The following KCNIP4 variants were observed in gnomAD, a reference collection of about 807,000 sequenced individuals.
The protein encoded by KCNIP4 is Kv channel-interacting protein 4.
KCNIP4 carries 12 observed loss-of-function variants against 34.0 expected under a neutral mutation model. That is an observed-to-expected ratio of 0.35 (90% CI 0.23 to 0.57). KCNIP4 has a LOEUF of 0.57. KCNIP4 is among the 20% of genes least tolerant of loss of function. The pLI, the probability that KCNIP4 is intolerant of heterozygous loss-of-function variation, is 0.83. For missense variants in KCNIP4, 238 were observed against 311.7 expected, an observed-to-expected ratio of 0.76 and a Z score of 1.78; for synonymous variants, 124 against 102.2, an observed-to-expected ratio of 1.21 and a Z score of -1.29.
intron 1 of KCNIP4, among the ~76,000 whole-genome samples, chr4:21,228,325 A>G (rs1048195959): frequency 2.0e-5 from 3 of 152,180 alleles, no homozygotes; most frequent in African/African-American, 7.2e-5. Flanking sequence ...CTGCCACGGT[A>G]AAACATGATT....
intron 1 of KCNIP4, among the ~76,000 whole-genome samples, chr4:21,449,722 AT>A (rs1360716837): frequency 4.0e-5 from 6 of 151,760 alleles, no homozygotes; most frequent in African/African-American, 1.2e-4. Context: ...AAGTGCAGCA[AT>A]TTTTTTATCT....
chr4:21,141,401 A>AT (rs1171446468), intron 1 of KCNIP4, among the ~76,000 whole-genome samples: 4 of 152,204 alleles, frequency 2.6e-5, no homozygotes, highest in African/African-American at 7.2e-5. Context: ...AAGTACTAAG[A>AT]TAAAAAAAAA....
chr4:21,105,882 A>G (rs1370560550), intron 1 of KCNIP4, among the ~76,000 whole-genome samples: 1 of 151,524 alleles, frequency 6.6e-6, no homozygotes, highest in Non-Finnish European at 1.5e-5. Flanking sequence ...GGTTCTGTTT[A>G]TATGCTGGAT....
intron 1 of KCNIP4, among the ~76,000 whole-genome samples, chr4:21,407,386 T>C (rs1724084260): frequency 6.6e-6 from 1 of 152,184 alleles, no homozygotes; most frequent in South Asian, 2.1e-4. Flanking sequence ...GGGCATTTCC[T>C]AATACATTTA....
intron 1 of KCNIP4, among the ~76,000 whole-genome samples, chr4:21,291,158 T>G (rs1763435816): frequency 6.6e-6 from 1 of 152,174 alleles, no homozygotes; most frequent in Non-Finnish European, 1.5e-5. Context: ...CTTCTGCCTC[T>G]GTACTTGTAC....
intron 3 of KCNIP4, among the ~76,000 whole-genome samples, chr4:20,777,925 G>A (rs1023559042): frequency 4.6e-5 from 7 of 152,156 alleles, no homozygotes; most frequent in African/African-American, 1.4e-4. Context: ...AAGAAAACCA[G>A]GGAGCTGAAT....
intron 3 of KCNIP4, among the ~76,000 whole-genome samples, chr4:20,779,415 C>T (rs1756650841): frequency 6.6e-6 from 1 of 151,860 alleles, no homozygotes; most frequent in Non-Finnish European, 1.5e-5. Context: ...TTTGGTTTTC[C>T]CCAGCAAGTA....
intron 1 of KCNIP4, among the ~76,000 whole-genome samples, chr4:21,608,653 A>G (rs1407713230): frequency 6.6e-6 from 1 of 152,160 alleles, no homozygotes; most frequent in Non-Finnish European, 1.5e-5. Context: ...TTTTTTTGCC[A>G]TGTAATATAA....
intron 1 of KCNIP4, among the ~76,000 whole-genome samples, chr4:21,073,488 GTACCTGAGA>G (rs1745172666): frequency 6.6e-6 from 1 of 152,178 alleles, no homozygotes; most frequent in African/African-American, 2.4e-5. Flanking sequence ...CATTGATTCT[GTACCTGAGA>G]CTTTGCTGAA....
At chr4:21,452,927 T>C (rs530258487) in intron 1 of KCNIP4, among the ~76,000 whole-genome samples, 1 of 152,252 alleles carries the variant, frequency 6.6e-6, no homozygotes, top group South Asian at 2.1e-4. Flanking sequence ...TTAATAGTAA[T>C]AAACCTGTTT....
intron 3 of KCNIP4, among the ~76,000 whole-genome samples, chr4:20,769,530 A>G (rs916691897): frequency 6.6e-6 from 1 of 152,216 alleles, no homozygotes; most frequent in African/African-American, 2.4e-5. Flanking sequence ...GAAAAAAAAG[A>G]CAATGGTGCC....
intron 1 of KCNIP4, among the ~76,000 whole-genome samples, chr4:21,261,922 T>A (rs954523287): frequency 6.6e-6 from 1 of 152,178 alleles, no homozygotes; most frequent in South Asian, 2.1e-4. Flanking sequence ...AATCAGATAA[T>A]GTCACTCCAA....
chr4:20,884,769 G>A (rs536966842), intron 1 of KCNIP4, among the ~76,000 whole-genome samples: 64 of 149,626 alleles, frequency 4.3e-4, no homozygotes, highest in Non-Finnish European at 5.0e-4. Context: ...GTGCAGTGGC[G>A]CGATCTCAGT....
At chr4:21,534,346 C>T (rs1452526001) in intron 1 of KCNIP4, among the ~76,000 whole-genome samples, 1 of 152,110 alleles carries the variant, frequency 6.6e-6, no homozygotes, top group Admixed American at 6.5e-5. Context: ...AAATTACTAG[C>T]ATTCATATGG....
intron 1 of KCNIP4, among the ~76,000 whole-genome samples, chr4:21,186,607 C>T (rs544455056): frequency 1.4e-4 from 22 of 152,186 alleles, no homozygotes; most frequent in African/African-American, 3.1e-4. Context: ...TTAAAGAACA[C>T]GTACAATTTT....
chr4:21,437,314 A>C (rs1727030320), intron 1 of KCNIP4, among the ~76,000 whole-genome samples: 1 of 152,198 alleles, frequency 6.6e-6, no homozygotes, highest in African/African-American at 2.4e-5. Context: ...CAATAACAAC[A>C]AAAAATTTCA....
chr4:21,653,270 C>A (rs141883473), intron 1 of KCNIP4, among the ~76,000 whole-genome samples: 11 of 152,320 alleles, frequency 7.2e-5, no homozygotes, highest in East Asian at 3.9e-4. Context: ...TCCATTTCTA[C>A]AGCTTACTTC....
intron 1 of KCNIP4, among the ~76,000 whole-genome samples, chr4:20,945,617 G>C (rs1732114504): frequency 6.6e-6 from 1 of 152,100 alleles, no homozygotes; most frequent in Non-Finnish European, 1.5e-5. Context: ...AGGAGTTCTA[G>C]GTATAGAACT....
chr4:21,086,696 A>C (rs894445081), intron 1 of KCNIP4, among the ~76,000 whole-genome samples: 3 of 152,088 alleles, frequency 2.0e-5, no homozygotes, highest in African/African-American at 4.8e-5. Context: ...TAGCCAAGAA[A>C]AATTCTTCTA....
Sources: allele counts gnomAD v4.1 joint callset (sites outside exome capture counted in the v4.1 genomes callset), GRCh38; gene constraint gnomAD v4.1.1; transcripts MANE v1.5; gene names NCBI Gene and HGNC (gene_info 2026-07-23, HGNC 2026-07-21).